DIAPH2: variants seen among roughly 807,000 people sequenced by gnomAD.
DIAPH2 encodes diaphanous related formin 2.
In DIAPH2, 35 loss-of-function variants were observed where a neutral mutation model predicts 92.7. That is an observed-to-expected ratio of 0.38 (90% CI 0.29 to 0.50). The LOEUF (loss-of-function observed/expected upper bound fraction) is 0.50. Ranked by LOEUF, DIAPH2 falls within the 20% of genes least tolerant of loss-of-function variation. DIAPH2 has a pLI of 0.94. For missense variants in DIAPH2, 701 were observed against 819.5 expected (o/e 0.86, Z 1.77); for synonymous variants, 301 against 280.4 (o/e 1.07, Z -0.73).
intron 9 of DIAPH2, among the ~76,000 whole-genome samples, chrX:96,929,219 G>A (rs1296177496): frequency 9.0e-6 from 1 of 111,276 alleles, no homozygotes; most frequent in Non-Finnish European, 1.9e-5. Flanking sequence ...TTATAGCCTA[G>A]CCTATCAAAA....
At chrX:97,420,891 A>T (rs772115240) in intron 25 of DIAPH2, among the ~76,000 whole-genome samples, 1 of 112,047 alleles carries the variant, frequency 8.9e-6, no homozygotes, top group South Asian at 3.7e-4. Context: ...CTTTCTATTT[A>T]TGCCCTCTTC....
intron 17 of DIAPH2, among the ~76,000 whole-genome samples, chrX:97,022,622 T>A (rs1291711659): frequency 8.9e-6 from 1 of 112,089 alleles, no homozygotes; most frequent in Non-Finnish European, 1.9e-5. Context: ...GAAATATCAT[T>A]GGCAAATTTG....
chrX:97,224,175 T>C (rs2067947889), intron 22 of DIAPH2, among the ~76,000 whole-genome samples: 1 of 112,085 alleles, frequency 8.9e-6, no homozygotes, highest in African/African-American at 3.2e-5. Context: ...GTTTAGTCAG[T>C]AAAATTATGA....
intron 4 of DIAPH2, among the ~76,000 whole-genome samples, chrX:96,773,051 A>G (rs1299711757): frequency 1.8e-5 from 2 of 111,810 alleles, no homozygotes; most frequent in African/African-American, 3.3e-5. Flanking sequence ...CTCTATATCT[A>G]TTTATCCATC....
chrX:97,293,336 T>C, intron 23 of DIAPH2, among the ~76,000 whole-genome samples: 1 of 94,031 alleles, frequency 1.1e-5, no homozygotes, highest in South Asian at 6.4e-4. Flanking sequence ...CACTGCAACC[T>C]CCGCCTCCCA....
chrX:97,224,048 G>A (rs981789107), intron 22 of DIAPH2, among the ~76,000 whole-genome samples: 1 of 111,397 alleles, frequency 9.0e-6, no homozygotes, highest in Non-Finnish European at 1.9e-5. Flanking sequence ...TAATTTGTTT[G>A]GGGTATGCTC....
chrX:97,515,907 A>T (rs1158217134), intron 26 of DIAPH2, among the ~76,000 whole-genome samples: 1 of 111,513 alleles, frequency 9.0e-6, no homozygotes, highest in Non-Finnish European at 1.9e-5. Flanking sequence ...AAAAGCTGGT[A>T]GATTAGTGAA....
intron 23 of DIAPH2, among the ~76,000 whole-genome samples, chrX:97,337,025 C>G (rs994124285): frequency 9.0e-6 from 1 of 111,022 alleles, no homozygotes; most frequent in African/African-American, 3.3e-5. Context: ...ATTACCTCCT[C>G]TATGTTAAAA....
chrX:97,571,134 T>C (rs2071367116), intron 26 of DIAPH2, among the ~76,000 whole-genome samples: 1 of 111,514 alleles, frequency 9.0e-6, no homozygotes, highest in Non-Finnish European at 1.9e-5. Context: ...TTTTCTTTAA[T>C]GTTATATGAT....
chrX:97,516,827 C>A (rs2070952518), intron 26 of DIAPH2, among the ~76,000 whole-genome samples: 1 of 112,282 alleles, frequency 8.9e-6, no homozygotes. Context: ...ATCCTCCTGC[C>A]TCAGCCTCCT....
chrX:97,280,647 G>A (rs2068489337), intron 23 of DIAPH2, among the ~76,000 whole-genome samples: 1 of 111,182 alleles, frequency 9.0e-6, no homozygotes, highest in Non-Finnish European at 1.9e-5. Context: ...AGAGAAGCTG[G>A]TGAGGCACTA....
intron 23 of DIAPH2, among the ~76,000 whole-genome samples, chrX:97,271,813 G>GCA (rs780653047): frequency 0.11 from 10,077 of 90,971 alleles, 477 homozygotes; most frequent in Admixed American, 0.17. Flanking sequence ...ATATATATAT[G>GCA]CACACACACA....
chrX:96,841,961 G>A (rs2064939644), intron 4 of DIAPH2, among the ~76,000 whole-genome samples: 1 of 111,405 alleles, frequency 9.0e-6, no homozygotes, highest in South Asian at 3.8e-4. Flanking sequence ...ATCACAAGGT[G>A]CTCAGTGGGG....
Position 97,594,900 on chromosome X carries a change from C to CG in DIAPH2, c.3242-4352dup, listed in dbSNP as rs2071540977. ...CTTCCCCTAGGCAACAACAGATGGA[C>CG]GCCTAACCTTGTGGGGAATGAATAA... On this transcript the variant is annotated intron_variant, in intron 26 of 26. Coordinates refer to ENST00000324765, the MANE Select transcript of DIAPH2 (RefSeq NM_006729.5). 2.7e-5 allele frequency among the ~76,000 whole-genome samples: 3 copies of CG among 111,464 alleles called. No individual in the cohort carries two copies. The South Asian group carries it at 1.1e-3, about 43-fold the overall frequency.
rs757341626 is a variant in DIAPH2 at position 96,843,516 on chromosome X, G to A, written c.448-38063G>A. The stretch of plus-strand genomic sequence containing the variant: ...CTTGAAAGTAGAGTGGTCGGGAGTA[G>A]GCCAGCATCATTGCTAGCATAGGAC... On this transcript the variant is annotated intron_variant, in intron 4 of 26. Coordinates refer to ENST00000324765, the MANE Select transcript of DIAPH2 (RefSeq NM_006729.5). Among the ~76,000 whole-genome samples the A allele has an allele frequency of 6.3e-5, 7 of 111,458 alleles. 1 individual carries two copies. The highest frequency in any genetic ancestry group is 1.3e-4 in the African/African-American group (4 of 30,656).
At chrX:97,536,080 A>G (rs2071093676) in intron 26 of DIAPH2, among the ~76,000 whole-genome samples, 1 of 112,290 alleles carries the variant, frequency 8.9e-6, no homozygotes, top group Non-Finnish European at 1.9e-5. Flanking sequence ...ATATCAAAGG[A>G]TTCTAAGAAT....
At chrX:97,412,146 G>C (rs1206324904) in intron 25 of DIAPH2, among the ~76,000 whole-genome samples, 2 of 111,697 alleles carry the variant, frequency 1.8e-5, no homozygotes, top group African/African-American at 3.3e-5. Context: ...TGACCACATA[G>C]TTGGAAGTAA....
At chrX:96,765,879 A>G (rs2064300822) in intron 4 of DIAPH2, among the ~76,000 whole-genome samples, 1 of 110,706 alleles carries the variant, frequency 9.0e-6, no homozygotes, top group South Asian at 3.8e-4. Flanking sequence ...CTTTAAATCA[A>G]GCATGTTCTA....
intron 23 of DIAPH2, among the ~76,000 whole-genome samples, chrX:97,258,870 C>CAAAAA (rs141981932): frequency 6.1e-4 from 24 of 39,035 alleles, no homozygotes; most frequent in Admixed American, 1.8e-3. Flanking sequence ...GACTCCGTCT[C>CAAAAA]AAAAAAAAAA....
Sources: allele counts gnomAD v4.1 joint callset (sites outside exome capture counted in the v4.1 genomes callset), GRCh38; gene constraint gnomAD v4.1.1; transcripts MANE v1.5; gene names NCBI Gene and HGNC (gene_info 2026-07-23, HGNC 2026-07-21).